ASH1L: variants seen among roughly 807,000 people sequenced by gnomAD.
ASH1L encodes the protein ASH1 like histone lysine methyltransferase.
Under a neutral mutation model 269.0 loss-of-function variants are expected in ASH1L, and 23 were observed. That is an observed-to-expected ratio of 0.09 (90% confidence interval 0.06 to 0.12). ASH1L has a LOEUF of 0.12. Among genes scored for constraint, ASH1L ranks in the 10% least tolerant of loss-of-function variants. The probability of loss-of-function intolerance (pLI) is 1.00; values close to 1 mark genes in which losing one functional copy is unlikely to be tolerated. For missense variants in ASH1L, 2,912 were observed against 3,567.8 expected (o/e 0.82, Z 4.68); for synonymous variants, 1,187 against 1,253.5 (o/e 0.95, Z 1.12).
chr1:155,412,241 CAAA>C (rs556050785), intron 6 of ASH1L, among the ~76,000 whole-genome samples: 2 of 115,678 alleles, frequency 1.7e-5, no homozygotes, highest in Non-Finnish European at 1.8e-5. Context: ...GACTCCGTCT[CAAA>C]AAAAAAAAAA....
chr1:155,362,081 G>A (rs1300594346), intron 12 of ASH1L, among the ~76,000 whole-genome samples: 1 of 151,784 alleles, frequency 6.6e-6, no homozygotes, highest in African/African-American at 2.4e-5. Flanking sequence ...CTGTCCCCAG[G>A]CTGGAGTGCA....
chr1:155,437,728 T>C (rs1432159223), intron 5 of ASH1L, among the ~76,000 whole-genome samples: 1 of 152,196 alleles, frequency 6.6e-6, no homozygotes, highest in African/African-American at 2.4e-5. Context: ...AAATGTGGTA[T>C]GCACATAAAA....
intron 1 of ASH1L, among the ~76,000 whole-genome samples, chr1:155,559,309 C>T (rs1157067234): frequency 6.6e-6 from 1 of 152,016 alleles, no homozygotes; most frequent in Non-Finnish European, 1.5e-5. Flanking sequence ...GAGGCCGAGG[C>T]GGGTGGATCA....
rs1451205817 is a variant in ASH1L, at chr1:155,341,917, A to C, written c.8460+19T>G. 1 of 1,612,730 alleles carries C rather than the reference A, an allele frequency of 6.2e-7. No homozygotes were observed. Among genetic ancestry groups the C allele is most frequent in the Non-Finnish European group, 8.5e-7 (1 of 1,178,752 alleles). The stretch of plus-strand genomic sequence containing the variant: ...CAGATTGTCCTAACATGTAGTGTTA[A>C]GAAAGGAAGGAGACTCACCGAGAAA... On this transcript the variant is annotated intron_variant, in intron 25 of 27. Coordinates refer to ENST00000392403, the MANE Select transcript of ASH1L (RefSeq NM_018489.3).
intron 2 of ASH1L, among the ~76,000 whole-genome samples, chr1:155,497,342 T>C (rs1340165682): frequency 1.3e-5 from 2 of 152,148 alleles, no homozygotes; most frequent in Admixed American, 1.3e-4. Context: ...CAACAAAAGT[T>C]TGAACTGTGC....
At chr1:155,549,573 C>T (rs568206622) in intron 1 of ASH1L, among the ~76,000 whole-genome samples, 25 of 147,806 alleles carry the variant, frequency 1.7e-4, no homozygotes, top group East Asian at 1.2e-3. Flanking sequence ...TGCAGTGAGC[C>T]GAGATCGTGC....
intron 7 of ASH1L, among the ~76,000 whole-genome samples, chr1:155,390,417 A>G (rs998862039): frequency 6.6e-6 from 1 of 152,222 alleles, no homozygotes; most frequent in Non-Finnish European, 1.5e-5. Flanking sequence ...TGTTTGAGAA[A>G]GAAGTAATAC....
At chr1:155,497,016 C>G (rs1210183486) in intron 2 of ASH1L, among the ~76,000 whole-genome samples, 1 of 152,110 alleles carries the variant, frequency 6.6e-6, no homozygotes, top group Non-Finnish European at 1.5e-5. Context: ...AATATTCTAA[C>G]CCTTTTAATT....
intron 4 of ASH1L, among the ~76,000 whole-genome samples, chr1:155,451,455 G>A (rs995014630): frequency 1.3e-5 from 2 of 152,006 alleles, no homozygotes; most frequent in African/African-American, 4.8e-5. Context: ...TGAATTAACT[G>A]TACACTTAGA....
rs1024945564 is a variant in ASH1L at position 155,355,335 on chromosome 1, C to A, written c.7056-705G>T. Among the ~76,000 whole-genome samples the A allele has an allele frequency of 5.9e-5, 9 of 152,186 alleles. No homozygotes were observed. In the South Asian group the frequency reaches 1.0e-3, roughly 18 times the overall value. On this transcript the variant is annotated intron_variant, in intron 15 of 27. Transcript: ENST00000392403. ...CAAAGTGCTGGGATTACAGTGGTGG[C>A]GTGAGCCACCGTGCCTGGCCCTGGT...
At chr1:155,363,951 C>A (rs1392481740) in intron 12 of ASH1L, among the ~76,000 whole-genome samples, 1 of 151,308 alleles carries the variant, frequency 6.6e-6, no homozygotes, top group Non-Finnish European at 1.5e-5. Flanking sequence ...CCAGCCTGGG[C>A]GACAGAGCAA....
intron 1 of ASH1L, among the ~76,000 whole-genome samples, chr1:155,533,613 C>G (rs1669837415): frequency 6.6e-6 from 1 of 151,210 alleles, no homozygotes; most frequent in Admixed American, 6.6e-5. Context: ...ACTCGGGAGG[C>G]TGAGGCAGAA....
chr1:155,490,746 TA>T (rs758277309), intron 2 of ASH1L, among the ~76,000 whole-genome samples: 1 of 151,740 alleles, frequency 6.6e-6, no homozygotes, highest in Non-Finnish European at 1.5e-5. Context: ...TACTTGAACC[TA>T]AGAGTTTGAG....
intron 3 of ASH1L, among the ~76,000 whole-genome samples, chr1:155,467,383 T>G (rs1220874629): frequency 6.6e-6 from 1 of 152,212 alleles, no homozygotes; most frequent in Non-Finnish European, 1.5e-5. Context: ...GTGTGTAATT[T>G]TACTGTAATT....
At chr1:155,474,822 A>C (rs1024858084) in intron 3 of ASH1L, among the ~76,000 whole-genome samples, 2 of 152,186 alleles carry the variant, frequency 1.3e-5, no homozygotes, top group African/African-American at 2.4e-5. Flanking sequence ...CCACTAACCT[A>C]ATCTAAGCAC....
intron 1 of ASH1L, among the ~76,000 whole-genome samples, chr1:155,538,199 A>G (rs998665762): frequency 5.3e-5 from 8 of 149,814 alleles, no homozygotes; most frequent in African/African-American, 2.0e-4. Context: ...TAATTTTTGT[A>G]TCTTTAGTAC....
intron 2 of ASH1L, among the ~76,000 whole-genome samples, chr1:155,491,705 T>G (rs1035392156): frequency 6.6e-6 from 1 of 152,110 alleles, no homozygotes; most frequent in African/African-American, 2.4e-5. Flanking sequence ...AGTTTAGCTC[T>G]ATCACCCAGG....
intron 1 of ASH1L, among the ~76,000 whole-genome samples, chr1:155,554,727 T>G (rs939582448): frequency 6.6e-6 from 1 of 152,054 alleles, no homozygotes; most frequent in Non-Finnish European, 1.5e-5. Flanking sequence ...AAAAAAACAC[T>G]GTATGTCTTT....
chr1:155,362,245 A>G (rs1655028896), intron 12 of ASH1L, among the ~76,000 whole-genome samples: 2 of 152,008 alleles, frequency 1.3e-5, no homozygotes, highest in Non-Finnish European at 2.9e-5. Flanking sequence ...CATGTTGGCC[A>G]GTACGGTCTC....
Sources: gnomAD v4.1 joint callset for allele counts (sites outside exome capture counted in the v4.1 genomes callset) on GRCh38, gnomAD v4.1.1 for gene constraint, MANE v1.5 for transcripts, NCBI Gene and HGNC (gene_info 2026-07-23, HGNC 2026-07-21) for gene names.